The following CFAP61 variants were observed in gnomAD, a reference collection of about 807,000 sequenced individuals.
CFAP61 encodes cilia and flagella associated protein 61, also known as cilia- and flagella-associated protein 61.
CFAP61 carries 107 observed loss-of-function variants against 135.6 expected under a neutral mutation model. The observed-to-expected ratio is 0.79, with a 90% CI of 0.67 to 0.93. The LOEUF is 0.93. CFAP61 is among the 40% of genes least tolerant of loss of function. The pLI, the probability that CFAP61 is intolerant of heterozygous loss-of-function variation, is 0.00. For synonymous variants in CFAP61, 575 were observed against 578.5 expected (o/e 0.99, Z 0.09); for missense variants, 1,507 against 1,556.2 (o/e 0.97, Z 0.53).
chr20:20,072,544 C>G (rs1403055251), intron 3 of CFAP61, among the ~76,000 whole-genome samples: 1 of 152,118 alleles, frequency 6.6e-6, no homozygotes, highest in African/African-American at 2.4e-5. Context: ...TTGAATAAAC[C>G]TCTGATAGAT....
At chr20:20,198,097 G>C (rs1349704629) in intron 16 of CFAP61, among the ~76,000 whole-genome samples, 1 of 152,182 alleles carries the variant, frequency 6.6e-6, no homozygotes, top group African/African-American at 2.4e-5. Flanking sequence ...AAAAGGTTTT[G>C]AGTGAGATGT....
chr20:20,077,161 T>C (rs1362001346), intron 6 of CFAP61, among the ~76,000 whole-genome samples: 2 of 152,286 alleles, frequency 1.3e-5, no homozygotes, highest in East Asian at 3.9e-4. Flanking sequence ...AAAACCCCTC[T>C]AAATGTCCAT....
At chr20:20,279,020 G>A (rs1242996365) in intron 22 of CFAP61, among the ~76,000 whole-genome samples, 3 of 152,094 alleles carry the variant, frequency 2.0e-5, no homozygotes, top group Non-Finnish European at 2.9e-5. Context: ...AAATATTTTT[G>A]CACAAATTTT....
chr20:20,322,915 T>C (rs565038854), intron 25 of CFAP61: 1 of 985,430 alleles, frequency 1.0e-6, no homozygotes, highest in African/African-American at 1.7e-5. Context: ...TATACTTAAG[T>C]AGCTTATTTA....
At chr20:20,232,475 C>T (rs947864984) in intron 18 of CFAP61, among the ~76,000 whole-genome samples, 1 of 152,058 alleles carries the variant, frequency 6.6e-6, no homozygotes, top group African/African-American at 2.4e-5. Flanking sequence ...CCTGGTGTGG[C>T]GCGTGGACCA....
chr20:20,252,189 C>T (rs2050982287), intron 20 of CFAP61, among the ~76,000 whole-genome samples: 1 of 152,128 alleles, frequency 6.6e-6, no homozygotes, highest in Admixed American at 6.5e-5. Flanking sequence ...TTCTGTCGAC[C>T]CTTATTTTAT....
chr20:20,322,867 C>T, intron 25 of CFAP61: 2 of 985,122 alleles, frequency 2.0e-6, no homozygotes, highest in Non-Finnish European at 2.4e-6. Context: ...ATCAAATTTA[C>T]TAATATGACA....
rs573729845 is a variant in CFAP61, at chr20:20,283,471, T to C, written c.2797-5138T>C. Reference sequence around the variant, plus strand: ...TAAAGTGTGTCTCTTGTAGGCATCATAAAGATTATATTAATGTTTTTAGTG... The same window carrying C: ...TAAAGTGTGTCTCTTGTAGGCATCACAAAGATTATATTAATGTTTTTAGTG... On this transcript the variant is annotated intron_variant, in intron 22 of 26. Transcript: ENST00000245957. 5.3e-5 allele frequency among the ~76,000 whole-genome samples: 8 copies of C among 152,346 alleles called. No individual in the cohort carries two copies. In the East Asian group the frequency reaches 1.5e-3, roughly 29 times the overall value.
At chr20:20,260,057 C>G (rs1282608344) in intron 20 of CFAP61, among the ~76,000 whole-genome samples, 1 of 152,158 alleles carries the variant, frequency 6.6e-6, no homozygotes, top group African/African-American at 2.4e-5. Context: ...CCTCTTTTAC[C>G]TTTTCAGGGC....
At chr20:20,294,853 G>A (rs1343350697) in intron 24 of CFAP61, among the ~76,000 whole-genome samples, 2 of 150,940 alleles carry the variant, frequency 1.3e-5, no homozygotes, top group East Asian at 1.9e-4. Flanking sequence ...GCGTGAACCC[G>A]GGAAGCGGAG....
At chr20:20,136,116 G>A (rs2050900321) in intron 8 of CFAP61, among the ~76,000 whole-genome samples, 1 of 152,116 alleles carries the variant, frequency 6.6e-6, no homozygotes. Context: ...TATTGGAGCT[G>A]CTTTGTGTAT....
chr20:20,343,189 C>T (rs2122385554), intron 26 of CFAP61, among the ~76,000 whole-genome samples: 1 of 152,296 alleles, frequency 6.6e-6, no homozygotes, highest in Middle Eastern at 3.4e-3. Context: ...TCCATGGTAA[C>T]ACAGCAAGCT....
chr20:20,081,626 G>A (rs1048214716), intron 6 of CFAP61, among the ~76,000 whole-genome samples: 2 of 152,058 alleles, frequency 1.3e-5, no homozygotes, highest in African/African-American at 4.8e-5. Context: ...GTTATGGTTT[G>A]GTCTCCCTTT....
At chr20:20,325,063 G>A (rs1390688195) in intron 25 of CFAP61, among the ~76,000 whole-genome samples, 2 of 152,144 alleles carry the variant, frequency 1.3e-5, no homozygotes, top group Non-Finnish European at 2.9e-5. Context: ...TTTAAGGCCA[G>A]GAGTTTGAGA....
chr20:20,074,629 G>A (rs934721149), intron 4 of CFAP61, among the ~76,000 whole-genome samples: 1 of 152,216 alleles, frequency 6.6e-6, no homozygotes, highest in African/African-American at 2.4e-5. Context: ...AATGGATTTA[G>A]GTTGAGGGGA....
chr20:20,154,482 G>C (rs2052714500), intron 9 of CFAP61, among the ~76,000 whole-genome samples: 1 of 151,948 alleles, frequency 6.6e-6, no homozygotes, highest in Non-Finnish European at 1.5e-5. Flanking sequence ...AAAGCTCCTA[G>C]ATCTGATATA....
At position 20,074,377 on chromosome 20, in the gene CFAP61, C is replaced by T. The variant is rs200778448; in HGVS notation, c.370C>T (p.Arg124Ter). 1.4e-5 allele frequency: 23 copies of T among 1,613,546 alleles called. No individual in the cohort carries two copies. The highest frequency in any genetic ancestry group is 1.2e-4 in the South Asian group (11 of 91,076). The change falls in exon 4 of 27, where the codon CGA becomes TGA. Residue 124 changes from arginine (R) to a stop codon, truncating the protein, a stop_gained and splice_region_variant. Transcript: ENST00000245957. LOFTEE classifies it high-confidence loss of function. ...TGTTGGCTGTTGCAAAGAGATTCTT[C>T]GGTGAGTGGATATGGCCGTGCAGTG... ...YSVGCCKEILRTVYKAVPELH... is the reference protein window; with the variant it reads ...YSVGCCKEIL
intron 7 of CFAP61, among the ~76,000 whole-genome samples, chr20:20,092,468 G>C (rs2047269766): frequency 6.6e-6 from 1 of 152,170 alleles, no homozygotes; most frequent in Non-Finnish European, 1.5e-5. Flanking sequence ...CTTGAAACTT[G>C]GAATGAAAAG....
chr20:20,060,186 G>GAA (rs1231689892), intron 2 of CFAP61, among the ~76,000 whole-genome samples: 1 of 152,074 alleles, frequency 6.6e-6, no homozygotes, highest in Non-Finnish European at 1.5e-5. Context: ...ATAGTGGAGA[G>GAA]AAAAATAACA....
Sources: gnomAD v4.1 joint callset for allele counts (sites outside exome capture counted in the v4.1 genomes callset) on GRCh38, gnomAD v4.1.1 for gene constraint, MANE v1.5 for transcripts, NCBI Gene and HGNC (gene_info 2026-07-23, HGNC 2026-07-21) for gene names.